The following APTX variants were observed in gnomAD, a reference collection of about 807,000 sequenced individuals.
APTX encodes the protein forkhead-associated domain histidine triad-like protein.
Under a neutral mutation model 42.3 loss-of-function variants are expected in APTX, and 33 were observed. The ratio of observed to expected loss-of-function variants is 0.78; its 90% CI spans 0.59 to 1.04. The LOEUF is 1.04. Among genes scored for constraint, APTX ranks in the 50% least tolerant of loss-of-function variants. The pLI is 0.00. For synonymous variants in APTX, 130 were observed against 146.7 expected, an observed-to-expected ratio of 0.89 and a Z score of 0.82; for missense variants, 421 against 415.1, an observed-to-expected ratio of 1.01 and a Z score of -0.12.
upstream of APTX, among the ~76,000 whole-genome samples, chr9:33,006,093 T>G (rs538002287): frequency 2.0e-5 from 3 of 151,530 alleles, no homozygotes; most frequent in Admixed American, 1.3e-4. Flanking sequence ...TTGTTTGTTT[T>G]AATTCCAACA....
rs149104126 is a variant in APTX, at chr9:33,020,268, C to T, written c.-5+4755G>A. On this transcript the variant is annotated intron_variant, in intron 1 of 6. Transcript: ENST00000436040. ...ACCCTGGCTTCTTCCTCCTTCTGGG[C>T]TCCCTACCCCAGGAAGGGGATCTCC... 742 of 165,894 alleles carry T rather than the reference C, an allele frequency of 4.5e-3. 7 individuals are homozygous for T. Among genetic ancestry groups the T allele is most frequent in the African/African-American group, 0.017 (717 of 42,170 alleles). The allele number at this position is 165,894 out of a possible 1,614,324, so 10.3% of individuals were successfully genotyped here.
At position 32,973,383 on chromosome 9, in the gene APTX, A is replaced by G; in HGVS notation, c.*115T>C. 2 of 1,256,560 alleles carry G rather than the reference A, an allele frequency of 1.6e-6. No homozygotes were observed. Among genetic ancestry groups the G allele is most frequent in the Admixed American group, 1.7e-5 (1 of 58,666 alleles). The allele number at this position is 1,256,560 out of a possible 1,614,324, so 77.8% of individuals were successfully genotyped here. A position where few individuals can be genotyped will look rare whatever the true frequency, so the allele number is the denominator to read the frequency against. On this transcript the variant is annotated 3_prime_UTR_variant, in exon 8 of 8. Coordinates refer to ENST00000379817, the MANE Select transcript of APTX (RefSeq NM_001195248.2). The stretch of plus-strand genomic sequence containing the variant: ...ACTCAATAATAGAATAAATTTGTGA[A>G]AAAGCTGCATGTTTTAATTTAGGAA...
intron 1 of APTX, among the ~76,000 whole-genome samples, chr9:33,016,474 C>T (rs1396761348): frequency 2.6e-5 from 4 of 152,048 alleles, no homozygotes; most frequent in Admixed American, 6.6e-5. Flanking sequence ...TTTCACTCTT[C>T]GGTAGTATAA....
Position 32,997,870 on chromosome 9 carries a change from G to T in APTX, c.-5+3697C>A, listed in dbSNP as rs544699184. On this transcript the variant is annotated intron_variant, in intron 1 of 7. Coordinates refer to ENST00000379817, the MANE Select transcript of APTX (RefSeq NM_001195248.2). ...ATGAATGCATGGACAGATCTTTAAA[G>T]ATTAAGCAGGAATTTGATACAGACT... is the stretch of plus-strand genomic sequence containing the variant. Among the ~76,000 whole-genome samples the T allele has an allele frequency of 2.0e-5, 3 of 152,350 alleles. No homozygotes were observed. The South Asian group carries it at 6.2e-4, about 32-fold the overall frequency.
intron 1 of APTX, among the ~76,000 whole-genome samples, chr9:33,023,836 A>T (rs955981227): frequency 3.9e-5 from 6 of 152,256 alleles, no homozygotes; most frequent in African/African-American, 9.6e-5. Flanking sequence ...TAGCATATAT[A>T]CCAACAGACA....
At chr9:33,000,641 A>G (rs1274783027) in intron 1 of APTX, among the ~76,000 whole-genome samples, 67 of 147,346 alleles carry the variant, frequency 4.5e-4, no homozygotes, top group Non-Finnish European at 7.7e-4. Context: ...AAAAAAAAAA[A>G]AAAAAAGAAA....
rs1347595585 is a variant in APTX at position 32,984,859 on chromosome 9, T to C, written c.544-2A>G. The C allele has an allele frequency of 1.9e-6, 3 of 1,611,720 alleles. No individual in the cohort carries two copies. In the African/African-American group the frequency reaches 4.0e-5, roughly 22 times the overall value. On this transcript the variant is annotated splice_acceptor_variant, in intron 5 of 7. Transcript: ENST00000379817. LOFTEE classifies it high-confidence loss of function. ...CACCACCTGCTCATCTTTGTAAACC[T>C]AGCAGAGGGATACAAGAGAAGGAAA...
chr9:32,991,247 T>A lies in APTX; in HGVS notation c.-4-1352A>T, dbSNP rs554831389. On this transcript the variant is annotated intron_variant, in intron 1 of 7. Coordinates refer to ENST00000379817, the MANE Select transcript of APTX (RefSeq NM_001195248.2). ...GGCCGCAAACCTACAATTTCTAAAG[T>A]GTGAATGTGACAATTTTGTGCAATA... 2.0e-5 allele frequency among the ~76,000 whole-genome samples: 3 copies of A among 152,180 alleles called. No individual in the cohort carries two copies. In the South Asian group the frequency reaches 6.2e-4, roughly 32 times the overall value.
intron 1 of APTX, among the ~76,000 whole-genome samples, chr9:33,018,514 G>A: frequency 7.2e-6 from 1 of 139,418 alleles, no homozygotes; most frequent in Middle Eastern, 4.5e-3. Context: ...GTTGCAGTGA[G>A]CCGAGATTGT....
chr9:33,001,683 C>T (rs754959511), upstream of APTX: 11 of 1,571,174 alleles, frequency 7.0e-6, no homozygotes, highest in African/African-American at 1.4e-4. Flanking sequence ...ACCAGCACCT[C>T]TCTAACGGAT....
In APTX at chr9:32,989,608, G is replaced by A. The variant is rs747957397; in HGVS notation, c.133+151C>T. ...GGGAGGGCAGAATCAGGAATAAATA[G>A]GGCCCTGGTGTTGGCTAAAAGAGCT... On this transcript the variant is annotated intron_variant, in intron 2 of 7. Transcript: ENST00000379817. The A allele has an allele frequency of 3.4e-5, 40 of 1,164,370 alleles. No individual in the cohort carries two copies. In the East Asian group the frequency reaches 5.6e-4, roughly 16 times the overall value. 72.1% of individuals were successfully genotyped at this position (1,164,370 alleles called of 1,614,324 possible).
intron 6 of APTX, among the ~76,000 whole-genome samples, chr9:32,983,492 A>T (rs1217596604): frequency 6.6e-6 from 1 of 152,216 alleles, no homozygotes; most frequent in Admixed American, 6.5e-5. Context: ...GCATCTTATT[A>T]TGCACTTTAT....
At chr9:32,980,605 TA>T (rs1334213425) in intron 6 of APTX, among the ~76,000 whole-genome samples, 1 of 152,154 alleles carries the variant, frequency 6.6e-6, no homozygotes, top group African/African-American at 2.4e-5. Context: ...AAAGGACGGA[TA>T]GGGAGGAACA....
intron 1 of APTX, 80 bp downstream of exon 1, chr9:33,001,487 G>A (rs539718096): frequency 5.0e-6 from 8 of 1,605,986 alleles, no homozygotes; most frequent in Admixed American, 3.4e-5. Context: ...ATCACTCAAG[G>A]GTAGGAGCAG....
In APTX at chr9:32,987,806, C is replaced by A; in HGVS notation, c.221G>T (p.Gly74Val). The A allele has an allele frequency of 6.2e-7, 1 of 1,613,950 alleles. No homozygotes were observed. Among genetic ancestry groups the A allele is most frequent in the South Asian group, 1.1e-5 (1 of 91,072 alleles). ...CTGCAGCTTCACCTCTTGGTCCTTC[C>A]CAATTACGACTGAGTCAATGCTGGT... is the stretch of plus-strand genomic sequence containing the variant. ...NPTSIDSVVI[G>V]KDQEVKLQPG... The change falls in exon 4 of 8, where the codon GGG (glycine) becomes GTG (valine). Residue 74 changes from glycine to valine, a missense_variant. Transcript: ENST00000379817.
At chr9:32,990,017 C>CA (rs1833188336) in intron 1 of APTX, 122 bp from the exon 2 acceptor site, 1 of 1,227,444 alleles carries the variant, frequency 8.1e-7, no homozygotes, top group South Asian at 1.3e-5. Flanking sequence ...CAAGTGACTT[C>CA]ACCACCCTAG....
At chr9:32,995,650 G>C (rs1252520780) in intron 1 of APTX, among the ~76,000 whole-genome samples, 1 of 152,154 alleles carries the variant, frequency 6.6e-6, no homozygotes, top group Admixed American at 6.5e-5. Flanking sequence ...CACTTTGGGA[G>C]GCCAAGGCGG....
chr9:32,984,734 G>A lies in APTX; in HGVS notation c.667C>T (p.Leu223Phe), dbSNP rs754477154. 9.9e-6 allele frequency: 16 copies of A among 1,614,202 alleles called. No homozygotes were observed. The highest frequency in any genetic ancestry group is 3.3e-5 in the Admixed American group (2 of 60,028). The change falls in exon 6 of 8, where the codon CTC becomes TTC. Residue 223 changes from leucine (L) to phenylalanine (F), a missense_variant. By Grantham distance (22) the Leu-to-Phe change is conservative. Coordinates refer to ENST00000379817, the MANE Select transcript of APTX (RefSeq NM_001195248.2). ...LKAVAREHLELLKHMHTVGEK... is the reference protein window; with the variant it reads ...LKAVAREHLEFLKHMHTVGEK... ...CCCACAGTGTGCATATGCTTAAGGAGTTCAAGGTGTTCCCTGGCCACAGCC... is the reference window on the plus strand; with the variant it reads ...CCCACAGTGTGCATATGCTTAAGGAATTCAAGGTGTTCCCTGGCCACAGCC...
intron 6 of APTX, among the ~76,000 whole-genome samples, chr9:32,983,542 G>A (rs1831192118): frequency 6.6e-6 from 1 of 152,092 alleles, no homozygotes; most frequent in African/African-American, 2.4e-5. Context: ...AATCAGTACT[G>A]ACTAGGGAAA....
Sources: allele counts gnomAD v4.1 joint callset (sites outside exome capture counted in the v4.1 genomes callset), GRCh38; gene constraint gnomAD v4.1.1; transcripts MANE v1.5; gene names NCBI Gene and HGNC (gene_info 2026-07-23, HGNC 2026-07-21).